Variants in GNAO1 observed in about 807,000 individuals in gnomAD.
GNAO1 encodes the protein guanine nucleotide-binding protein G(o) subunit alpha.
For missense variants in GNAO1, 166 were observed against 478.7 expected (o/e 0.35, Z 6.10); for synonymous variants, 164 against 180.7 (o/e 0.91, Z 0.74).
At chr16:56,232,552 C>G (rs1276558705) in intron 2 of GNAO1, among the ~76,000 whole-genome samples, 8 of 152,158 alleles carry the variant, frequency 5.3e-5, no homozygotes, top group African/African-American at 1.9e-4. Flanking sequence ...TCCAACAGCT[C>G]TTTTTGTGTA....
At chr16:56,206,624 A>G (rs2036332103) in intron 2 of GNAO1, among the ~76,000 whole-genome samples, 1 of 152,238 alleles carries the variant, frequency 6.6e-6, no homozygotes, top group African/African-American at 2.4e-5. Flanking sequence ...ACTACTGTGT[A>G]TGTTTATCGA....
chr16:56,336,732 C>T lies in GNAO1; in HGVS notation c.595C>T (p.Leu199=). Residue 199 remains leucine (L), a splice_region_variant and synonymous_variant, in exon 6 of 9, where the codon CTG becomes TTG. Transcript: ENST00000262493. ...CTACCAGCTCCCTGCCTCCTACAGG[C>T]TGTTTGACGTCGGAGGCCAGCGATC... ...HFTFKNLHFR[L]FDVGGQRSER... The T allele has an allele frequency of 6.2e-7, 1 of 1,609,818 alleles. No homozygotes were observed. Among genetic ancestry groups the T allele is most frequent in the South Asian group, 1.1e-5 (1 of 90,426 alleles).
chr16:56,355,332 A>AGCATGCACGTGTGTGTGTGT (rs1185645072), intron 8 of GNAO1: 1 of 155,020 alleles, frequency 6.5e-6, no homozygotes, highest in East Asian at 1.9e-4. Context: ...ACGGCACGTG[A>AGCATGCACGTGTGTGTGTGT]GCATGCACGT....
intron 2 of GNAO1, among the ~76,000 whole-genome samples, chr16:56,251,172 T>C (rs1260761482): frequency 6.6e-6 from 1 of 152,216 alleles, no homozygotes; most frequent in African/African-American, 2.4e-5. Context: ...GTGGCAATTA[T>C]CCTATTTATA....
intron 2 of GNAO1, among the ~76,000 whole-genome samples, chr16:56,210,307 T>G (rs2143329379): frequency 6.6e-6 from 1 of 152,366 alleles, no homozygotes; most frequent in African/African-American, 2.4e-5. Flanking sequence ...TGTTTATCCA[T>G]GCACCTACTG....
chr16:56,209,032 G>T (rs2036359598), intron 2 of GNAO1, among the ~76,000 whole-genome samples: 1 of 151,392 alleles, frequency 6.6e-6, no homozygotes. Flanking sequence ...TGTTTTTTTT[G>T]TGTGTGTCCT....
chr16:56,321,031 C>A (rs1181263142), intron 3 of GNAO1, among the ~76,000 whole-genome samples: 2 of 152,184 alleles, frequency 1.3e-5, no homozygotes, highest in Non-Finnish European at 2.9e-5. Flanking sequence ...ACAGGAAACA[C>A]CACACGGCAT....
At chr16:56,278,052 C>T (rs1473599213) in intron 3 of GNAO1, among the ~76,000 whole-genome samples, 2 of 152,128 alleles carry the variant, frequency 1.3e-5, no homozygotes, top group East Asian at 3.9e-4. Flanking sequence ...ATCGCTAGGA[C>T]TATGATACGT....
intron 3 of GNAO1, among the ~76,000 whole-genome samples, chr16:56,305,377 A>C (rs1274489199): frequency 6.6e-6 from 1 of 152,244 alleles, no homozygotes; most frequent in Non-Finnish European, 1.5e-5. Flanking sequence ...AAATCATGTT[A>C]GGATGAGAAA....
At chr16:56,280,068 G>A (rs2037100273) in intron 3 of GNAO1, among the ~76,000 whole-genome samples, 1 of 152,238 alleles carries the variant, frequency 6.6e-6, no homozygotes, top group Non-Finnish European at 1.5e-5. Flanking sequence ...AACAGCTGTT[G>A]ATTGAGTACC....
chr16:56,192,676 T>C (rs2036188948), intron 2 of GNAO1, 60 bp downstream of exon 2: 1 of 1,021,644 alleles, frequency 9.8e-7, no homozygotes, highest in Non-Finnish European at 1.6e-6. Flanking sequence ...AAATCGTTTT[T>C]ATTACATTGC....
At chr16:56,197,788 A>G (rs1241238390) in intron 2 of GNAO1, among the ~76,000 whole-genome samples, 1 of 152,230 alleles carries the variant, frequency 6.6e-6, no homozygotes, top group African/African-American at 2.4e-5. Context: ...CACATCTGCT[A>G]AAGATAGGAC....
chr16:56,195,938 T>TG (rs1227040127), intron 2 of GNAO1, among the ~76,000 whole-genome samples: 3 of 152,148 alleles, frequency 2.0e-5, no homozygotes, highest in Non-Finnish European at 2.9e-5. Context: ...GGCTGGCAAT[T>TG]GCTGTTTAGA....
At chr16:56,230,360 A>G (rs1181419576) in intron 2 of GNAO1, among the ~76,000 whole-genome samples, 1 of 152,172 alleles carries the variant, frequency 6.6e-6, no homozygotes. Flanking sequence ...AGCCCCAGCC[A>G]TCTGTTGTTT....
intron 2 of GNAO1, among the ~76,000 whole-genome samples, chr16:56,195,290 C>G (rs2036222907): frequency 6.6e-6 from 1 of 152,188 alleles, no homozygotes; most frequent in Non-Finnish European, 1.5e-5. Context: ...CTGAAGCATT[C>G]ATGAATGGCA....
At chr16:56,245,137 TAA>T (rs369359239) in intron 2 of GNAO1, among the ~76,000 whole-genome samples, 2 of 146,930 alleles carry the variant, frequency 1.4e-5, no homozygotes, top group Non-Finnish European at 3.0e-5. Context: ...ATTTTATAGA[TAA>T]AAAAAAAAAC....
intron 6 of GNAO1, among the ~76,000 whole-genome samples, chr16:56,338,236 C>T (rs751677691): frequency 1.3e-5 from 2 of 152,162 alleles, no homozygotes; most frequent in Non-Finnish European, 2.9e-5. Flanking sequence ...GGCTTACCCA[C>T]CTGACTCTTC....
At chr16:56,306,694 C>T (rs1048531197) in intron 3 of GNAO1, among the ~76,000 whole-genome samples, 5 of 152,142 alleles carry the variant, frequency 3.3e-5, no homozygotes, top group Non-Finnish European at 1.5e-5. Flanking sequence ...CAGGCTTCAT[C>T]TAATTAAGAT....
At chr16:56,233,963 C>G (rs767039067) in intron 2 of GNAO1, among the ~76,000 whole-genome samples, 1 of 152,202 alleles carries the variant, frequency 6.6e-6, no homozygotes, top group African/African-American at 2.4e-5. Flanking sequence ...TGTGCTGACC[C>G]GGCTCTGCTG....
Sources: gnomAD v4.1 joint callset for allele counts (sites outside exome capture counted in the v4.1 genomes callset) on GRCh38, gnomAD v4.1.1 for gene constraint, MANE v1.5 for transcripts, NCBI Gene and HGNC (gene_info 2026-07-23, HGNC 2026-07-21) for gene names.